PRDM11: variants seen among roughly 807,000 people sequenced by gnomAD.
PRDM11 encodes PR domain-containing protein 11.
Under a neutral mutation model 97.8 loss-of-function variants are expected in PRDM11, and 20 were observed. The observed-to-expected ratio is 0.20, with a 90% confidence interval of 0.14 to 0.30. The LOEUF (loss-of-function observed/expected upper bound fraction) is 0.30. Among genes scored for constraint, PRDM11 ranks in the 10% least tolerant of loss-of-function variants. The pLI, the probability that PRDM11 is intolerant of heterozygous loss-of-function variation, is 1.00. For missense variants in PRDM11, 1,139 were observed against 1,555.2 expected (o/e 0.73, Z 4.50); for synonymous variants, 599 against 637.7 (o/e 0.94, Z 0.91).
rs552119196 is a variant in PRDM11, at chr11:45,208,275, GCCACTAGGC to G, written c.554+3498_554+3506del. Among the ~76,000 whole-genome samples, 111 of 152,324 alleles carry G rather than the reference GCCACTAGGC, an allele frequency of 7.3e-4. 2 individuals are homozygous for G. In the East Asian group the frequency reaches 0.015, roughly 21 times the overall value. On this transcript the variant is annotated intron_variant, in intron 5 of 7. Transcript: ENST00000683152. ...GACCGGGACGGGGAAGGGGAAGAGAGCCACTAGGCAGAATAAGCTTTCTGTGGCCACACC... is the reference window on the plus strand; with the variant it reads ...GACCGGGACGGGGAAGGGGAAGAGAGAGAATAAGCTTTCTGTGGCCACACC...
intron 1 of PRDM11, among the ~76,000 whole-genome samples, chr11:45,172,744 G>A (rs1313027098): frequency 6.6e-6 from 1 of 152,190 alleles, no homozygotes; most frequent in Non-Finnish European, 1.5e-5. Flanking sequence ...TAAAGTATAT[G>A]GGAGGATATC....
chr11:45,212,616 A>G (rs1418755992), intron 5 of PRDM11: 1 of 456,340 alleles, frequency 2.2e-6, no homozygotes, highest in Admixed American at 2.3e-5. Context: ...GTGGGCCCCA[A>G]GCCAGAGGCC....
chr11:45,105,392 T>C (rs1852044073), intron 1 of PRDM11, among the ~76,000 whole-genome samples: 1 of 152,204 alleles, frequency 6.6e-6, no homozygotes, highest in African/African-American at 2.4e-5. Flanking sequence ...TGAGCTCATC[T>C]AGTGAGAACC....
upstream of PRDM11, among the ~76,000 whole-genome samples, chr11:45,095,244 G>A (rs56196945): frequency 0.09 from 13,737 of 152,210 alleles, 694 homozygotes; most frequent in Admixed American, 0.13. Context: ...TCTAAGCCGT[G>A]GGGACAGGAA....
intron 1 of PRDM11, among the ~76,000 whole-genome samples, chr11:45,176,909 T>C (rs1414245485): frequency 6.6e-6 from 1 of 152,182 alleles, no homozygotes; most frequent in Non-Finnish European, 1.5e-5. Context: ...AGGCAGAAAC[T>C]TTATCAGGGT....
intron 1 of PRDM11, among the ~76,000 whole-genome samples, chr11:45,134,604 T>G (rs1427398879): frequency 6.6e-5 from 9 of 136,804 alleles, no homozygotes. Flanking sequence ...GAGGCTGAGG[T>G]GGGAGAATCG....
intron 1 of PRDM11, among the ~76,000 whole-genome samples, chr11:45,179,590 C>T (rs1456754779): frequency 6.6e-6 from 1 of 152,158 alleles, no homozygotes; most frequent in Non-Finnish European, 1.5e-5. Context: ...GGTGGCACTC[C>T]GCCTTGTGGA....
intron 1 of PRDM11, among the ~76,000 whole-genome samples, chr11:45,149,748 C>A (rs986319910): frequency 3.9e-5 from 6 of 152,364 alleles, no homozygotes; most frequent in East Asian, 1.9e-4. Flanking sequence ...CCCTGTGTCA[C>A]TCCGTGCGTG....
chr11:45,113,779 GC>G (rs1852235821), intron 1 of PRDM11, among the ~76,000 whole-genome samples: 1 of 145,012 alleles, frequency 6.9e-6, no homozygotes, highest in Non-Finnish European at 1.5e-5. Context: ...GTATAAGAGT[GC>G]TACTGATTTG....
In PRDM11 at chr11:45,135,861, C is replaced by T. The variant is rs78441783; in HGVS notation, c.96+39960C>T. On this transcript the variant is annotated intron_variant, in intron 1 of 6. Transcript: ENST00000530656. ...AGACAAACTACAATAGAGGATTCTT[C>T]CACAAAAGGCCTGCCCAGGACGCCT... Among the ~76,000 whole-genome samples the T allele has an allele frequency of 8.6e-3, 1,315 of 152,254 alleles. 16 individuals carry two copies. The highest frequency in any genetic ancestry group is 0.03 in the African/African-American group (1,252 of 41,524).
intron 4 of PRDM11, among the ~76,000 whole-genome samples, chr11:45,199,782 C>T (rs1252770400): frequency 6.6e-6 from 1 of 152,206 alleles, no homozygotes; most frequent in Non-Finnish European, 1.5e-5. Context: ...CTGGGCTCAT[C>T]AGTGGCATGT....
At chr11:45,102,800 G>A (rs1280769951) in intron 1 of PRDM11, among the ~76,000 whole-genome samples, 2 of 152,250 alleles carry the variant, frequency 1.3e-5, no homozygotes, top group Non-Finnish European at 2.9e-5. Flanking sequence ...TTGCACAGGG[G>A]CAGCCAAGGT....
At chr11:45,145,062 T>C (rs959732088), upstream of PRDM11, among the ~76,000 whole-genome samples, 6 of 152,138 alleles carry the variant, frequency 3.9e-5, no homozygotes, top group African/African-American at 1.4e-4. Context: ...ACAGTTGCAT[T>C]GAACCTCATA....
chr11:45,151,114 C>T (rs1446981842), intron 1 of PRDM11, among the ~76,000 whole-genome samples: 2 of 152,138 alleles, frequency 1.3e-5, no homozygotes, highest in Admixed American at 6.5e-5. Context: ...AGTGGGGTAA[C>T]ACCTACCTAA....
intron 1 of PRDM11, among the ~76,000 whole-genome samples, chr11:45,162,918 C>T (rs773658022): frequency 3.3e-5 from 5 of 152,336 alleles, no homozygotes; most frequent in East Asian, 1.9e-4. Flanking sequence ...CTCTGCATGT[C>T]GGTTTTCTCA....
intron 1 of PRDM11, among the ~76,000 whole-genome samples, chr11:45,108,831 C>T (rs1035794451): frequency 6.6e-6 from 1 of 152,252 alleles, no homozygotes; most frequent in Non-Finnish European, 1.5e-5. Flanking sequence ...TTAACACATG[C>T]ACCCGCAGGC....
chr11:45,111,187 A>G (rs539876249), intron 1 of PRDM11, among the ~76,000 whole-genome samples: 1 of 152,280 alleles, frequency 6.6e-6, no homozygotes, highest in East Asian at 1.9e-4. Flanking sequence ...CTGTGATGGA[A>G]GATGAAGATT....
At chr11:45,167,635 C>T (rs1164363977) in intron 1 of PRDM11, among the ~76,000 whole-genome samples, 3 of 152,122 alleles carry the variant, frequency 2.0e-5, no homozygotes, top group Non-Finnish European at 4.4e-5. Context: ...ACTTAATTAC[C>T]TATATCACTA....
At chr11:45,152,489 C>G (rs1851683363) in intron 1 of PRDM11, among the ~76,000 whole-genome samples, 3 of 152,152 alleles carry the variant, frequency 2.0e-5, no homozygotes, top group Admixed American at 2.0e-4. Flanking sequence ...ATTTTGTTTT[C>G]TGTCTGCCTC....
Sources: allele counts gnomAD v4.1 joint callset (sites outside exome capture counted in the v4.1 genomes callset), GRCh38; gene constraint gnomAD v4.1.1; transcripts MANE v1.5; gene names NCBI Gene and HGNC (gene_info 2026-07-23, HGNC 2026-07-21).